NTM: variants seen among roughly 807,000 people sequenced by gnomAD.
NTM encodes the protein IgLON family member 2.
Under a neutral mutation model 42.1 loss-of-function variants are expected in NTM, and 13 were observed. The observed-to-expected ratio is 0.31, with a 90% CI of 0.20 to 0.49. The LOEUF (loss-of-function observed/expected upper bound fraction) is 0.49, where lower values mean the gene tolerates loss of function less well. Among genes scored for constraint, NTM ranks in the 20% least tolerant of loss-of-function variants. The probability of loss-of-function intolerance (pLI) is 0.99; values close to 1 mark genes in which losing one functional copy is unlikely to be tolerated. For synonymous variants in NTM, 187 were observed against 179.2 expected (o/e 1.04, Z -0.35); for missense variants, 373 against 452.8 (o/e 0.82, Z 1.60).
intron 1 of NTM, among the ~76,000 whole-genome samples, chr11:131,710,288 C>G (rs76061941): frequency 0.019 from 2,896 of 152,252 alleles, 82 homozygotes; most frequent in African/African-American, 0.064. Flanking sequence ...TTTTTCAAAA[C>G]TACTTAATGA....
chr11:131,990,511 ATG>A (rs140653772), intron 2 of NTM, among the ~76,000 whole-genome samples: 3 of 151,302 alleles, frequency 2.0e-5, no homozygotes, highest in Admixed American at 6.6e-5. Context: ...GTGTGTTTGC[ATG>A]TGTGTGTGTG....
chr11:131,833,545 C>A (rs2043093901), intron 1 of NTM, among the ~76,000 whole-genome samples: 1 of 152,210 alleles, frequency 6.6e-6, no homozygotes, highest in Admixed American at 6.5e-5. Context: ...CCTCAGGAGA[C>A]TGAGTGCATC....
intron 3 of NTM, among the ~76,000 whole-genome samples, chr11:132,192,661 A>G (rs901136833): frequency 6.6e-6 from 1 of 152,188 alleles, no homozygotes; most frequent in African/African-American, 2.4e-5. Flanking sequence ...CAATATTGAC[A>G]TTGAATATAA....
chr11:132,294,564 G>A (rs2094550955), intron 4 of NTM, among the ~76,000 whole-genome samples: 1 of 152,176 alleles, frequency 6.6e-6, no homozygotes, highest in African/African-American at 2.4e-5. Context: ...TACTGGGGTT[G>A]AAGAAGTCTA....
chr11:131,435,525 C>T (rs2135940787), intron 1 of NTM, among the ~76,000 whole-genome samples: 1 of 152,262 alleles, frequency 6.6e-6, no homozygotes, highest in South Asian at 2.1e-4. Flanking sequence ...AAGTTGGATT[C>T]CTAGTTATTT....
At chr11:132,044,083 T>C (rs1236940669) in intron 2 of NTM, among the ~76,000 whole-genome samples, 1 of 149,598 alleles carries the variant, frequency 6.7e-6, no homozygotes, top group African/African-American at 2.5e-5. Flanking sequence ...TATGTGTTTG[T>C]GTGTATGTGT....
chr11:131,430,314 A>G (rs991534059), intron 1 of NTM, among the ~76,000 whole-genome samples: 2 of 152,198 alleles, frequency 1.3e-5, no homozygotes, highest in African/African-American at 4.8e-5. Context: ...TATCCATACA[A>G]AGAGTTCCAG....
intron 1 of NTM, among the ~76,000 whole-genome samples, chr11:131,452,563 T>C (rs1950562867): frequency 6.6e-6 from 1 of 152,236 alleles, no homozygotes; most frequent in Non-Finnish European, 1.5e-5. Flanking sequence ...TGTAAAGCTA[T>C]GTGATGATAT....
chr11:132,007,671 A>G (rs1042323974), intron 2 of NTM, among the ~76,000 whole-genome samples: 2 of 152,210 alleles, frequency 1.3e-5, no homozygotes, highest in African/African-American at 2.4e-5. Context: ...TTGTGAAGGA[A>G]TAATCATCCA....
chr11:132,097,180 T>C (rs1288466194), intron 2 of NTM, among the ~76,000 whole-genome samples: 31 of 152,234 alleles, frequency 2.0e-4, no homozygotes, highest in Admixed American at 2.0e-3. Flanking sequence ...CCCTTCCTTC[T>C]GCAGGTTCAG....
At chr11:132,136,857 A>T (rs1423797040) in intron 2 of NTM, among the ~76,000 whole-genome samples, 2 of 152,058 alleles carry the variant, frequency 1.3e-5, no homozygotes, top group African/African-American at 4.8e-5. Context: ...AAAGAATTGG[A>T]GGTGGAACTA....
At chr11:131,918,130 T>C (rs2056686988) in intron 2 of NTM, among the ~76,000 whole-genome samples, 1 of 152,082 alleles carries the variant, frequency 6.6e-6, no homozygotes, top group South Asian at 2.1e-4. Flanking sequence ...ATAGTGGAAG[T>C]AGTGATAATC....
chr11:131,521,383 CTTTTTTTTTTTTTTTTTTTTTT>C lies in NTM; in HGVS notation c.82+150513_82+150534del, dbSNP rs773233050. Among the ~76,000 whole-genome samples the C allele has an allele frequency of 9.3e-3, 424 of 45,756 alleles. 7 individuals carry two copies. The highest frequency in any genetic ancestry group is 0.034 in the African/African-American group (397 of 11,642). The allele number at this position is 45,756 out of a possible 152,430, so 30.0% of individuals were successfully genotyped here. A position where few individuals can be genotyped will look rare whatever the true frequency, so the allele number is the denominator to read the frequency against. On this transcript the variant is annotated intron_variant, in intron 1 of 8. Coordinates refer to ENST00000683400, the MANE Select transcript of NTM (RefSeq NM_001352005.2). Reference sequence around the variant, plus strand: ...AATGCAGAAGAAGCAAGGTGCCAGTCTTTTTTTTTTTTTTTTTTTTTTTTTTTTTTTTTTTTTTTGAGACGGG... The same window carrying C: ...AATGCAGAAGAAGCAAGGTGCCAGTCTTTTTTTTTTTTTTTTTGAGACGGG...
chr11:131,792,310 C>A (rs73023411), intron 1 of NTM, among the ~76,000 whole-genome samples: 1,892 of 152,224 alleles, frequency 0.012, 20 homozygotes, highest in Middle Eastern at 0.065. Flanking sequence ...GCAACTGGTT[C>A]GTGTCCTGGA....
At chr11:131,805,977 CATG>C (rs2092459601) in intron 1 of NTM, among the ~76,000 whole-genome samples, 1 of 152,212 alleles carries the variant, frequency 6.6e-6, no homozygotes, top group African/African-American at 2.4e-5. Flanking sequence ...AATATAACCA[CATG>C]ATAACATATT....
At chr11:131,874,421 C>A (rs932919487) in intron 1 of NTM, among the ~76,000 whole-genome samples, 1 of 152,012 alleles carries the variant, frequency 6.6e-6, no homozygotes, top group African/African-American at 2.4e-5. Flanking sequence ...GCAGCAGCAA[C>A]AACAAAATAA....
chr11:132,150,559 A>G (rs7128383), intron 3 of NTM, among the ~76,000 whole-genome samples: 86,084 of 152,054 alleles, frequency 0.57, 24,713 homozygotes, highest in Non-Finnish European at 0.61. Flanking sequence ...TTGGAAAGAG[A>G]ATGGAAATTT....
At chr11:131,936,108 G>A (rs914081784) in intron 2 of NTM, among the ~76,000 whole-genome samples, 2 of 152,110 alleles carry the variant, frequency 1.3e-5, no homozygotes, top group Admixed American at 6.5e-5. Context: ...TCGAGAGACA[G>A]CAACATTTTA....
intron 1 of NTM, among the ~76,000 whole-genome samples, chr11:131,572,590 T>C (rs903029819): frequency 6.6e-6 from 1 of 152,132 alleles, no homozygotes; most frequent in African/African-American, 2.4e-5. Context: ...CTTGGATGAC[T>C]GTGCGCGCAT....
Sources: allele counts gnomAD v4.1 joint callset (sites outside exome capture counted in the v4.1 genomes callset), GRCh38; gene constraint gnomAD v4.1.1; transcripts MANE v1.5; gene names NCBI Gene and HGNC (gene_info 2026-07-23, HGNC 2026-07-21).